Variants in ROBO2 observed in about 807,000 individuals in gnomAD.
ROBO2 encodes roundabout guidance receptor 2, also known as roundabout homolog 2.
A neutral mutation model predicts 160.8 loss-of-function variants in ROBO2; 53 were observed. That is an observed-to-expected ratio of 0.33 (90% CI 0.26 to 0.41). ROBO2 has a LOEUF of 0.41. Among genes scored for constraint, ROBO2 ranks in the 10% least tolerant of loss-of-function variants. ROBO2 has a pLI of 1.00. For synonymous variants in ROBO2, 664 were observed against 611.7 expected (o/e 1.09, Z -1.26); for missense variants, 1,577 against 1,722.4 (o/e 0.92, Z 1.49).
intron 2 of ROBO2, among the ~76,000 whole-genome samples, chr3:76,164,870 C>T (rs74998959): frequency 3.3e-5 from 5 of 151,994 alleles, no homozygotes; most frequent in African/African-American, 1.2e-4. Flanking sequence ...GGGACTGCCC[C>T]GCAGGACACT....
exon 25 of ROBO2, chr3:77,644,853 G>A (rs775671751): frequency 6.2e-7 from 1 of 1,614,088 alleles, no homozygotes; most frequent in South Asian, 1.1e-5. Flanking sequence ...CGACCTTCTT[G>A]ACATAGGATA....
chr3:76,786,279 A>T lies in ROBO2; in HGVS notation c.110-311735A>T, dbSNP rs187633946. The stretch of plus-strand genomic sequence containing the variant: ...TCTTATTAATAAAATTTTAAATGAG[A>T]CCTATATTAGTCCATTATCGCACCA... On this transcript the variant is annotated intron_variant, in intron 2 of 26. Transcript: ENST00000487694. 2.6e-3 allele frequency among the ~76,000 whole-genome samples: 398 copies of T among 151,388 alleles called. 1 individual carries two copies. The highest frequency in any genetic ancestry group is 5.8e-3 in the Admixed American group (88 of 15,138).
intron 2 of ROBO2, among the ~76,000 whole-genome samples, chr3:77,328,609 A>G (rs1288485581): frequency 1.3e-5 from 2 of 152,218 alleles, no homozygotes; most frequent in African/African-American, 4.8e-5. Context: ...GGCGTTAACA[A>G]TAATGGCATA....
chr3:76,179,244 C>G (rs1418551941), intron 2 of ROBO2, among the ~76,000 whole-genome samples: 2 of 152,062 alleles, frequency 1.3e-5, no homozygotes, highest in Non-Finnish European at 2.9e-5. Context: ...TGGGTGTGGT[C>G]ACTGGCTTCA....
chr3:76,281,102 A>C (rs543298423), intron 2 of ROBO2, among the ~76,000 whole-genome samples: 3 of 152,070 alleles, frequency 2.0e-5, no homozygotes, highest in African/African-American at 7.2e-5. Flanking sequence ...AACATTTATC[A>C]TATCAAAAAT....
At chr3:76,606,855 A>C (rs1009226178) in intron 2 of ROBO2, among the ~76,000 whole-genome samples, 1 of 152,082 alleles carries the variant, frequency 6.6e-6, no homozygotes, top group African/African-American at 2.4e-5. Context: ...TATAAAATGA[A>C]TATATATTTA....
intron 2 of ROBO2, among the ~76,000 whole-genome samples, chr3:76,579,838 CTAAG>C (rs1479668597): frequency 6.6e-6 from 1 of 150,936 alleles, no homozygotes; most frequent in African/African-American, 2.4e-5. Flanking sequence ...AGTCTGTTCT[CTAAG>C]ATAGAAAATA....
chr3:75,997,858 C>T (rs1345029368), intron 2 of ROBO2, among the ~76,000 whole-genome samples: 1 of 152,114 alleles, frequency 6.6e-6, no homozygotes, highest in Non-Finnish European at 1.5e-5. Context: ...TTGGTATTCA[C>T]TTCCATAACT....
At chr3:77,352,047 T>G (rs1251690519) in intron 2 of ROBO2, among the ~76,000 whole-genome samples, 1 of 150,644 alleles carries the variant, frequency 6.6e-6, no homozygotes, top group Non-Finnish European at 1.5e-5. Flanking sequence ...TGCATACATA[T>G]GTAACAAACC....
At chr3:77,639,684 G>A (rs1318425605) in intron 24 of ROBO2, among the ~76,000 whole-genome samples, 1 of 152,206 alleles carries the variant, frequency 6.6e-6, no homozygotes, top group Non-Finnish European at 1.5e-5. Context: ...GCTAGTGTTT[G>A]TGAGACCTTT....
intron 2 of ROBO2, among the ~76,000 whole-genome samples, chr3:76,645,719 AAATG>A (rs1335052718): frequency 6.6e-6 from 1 of 152,188 alleles, no homozygotes; most frequent in African/African-American, 2.4e-5. Context: ...TTTTTGGAGT[AAATG>A]AATGGGTAAA....
chr3:77,216,196 G>A (rs1580077861), intron 2 of ROBO2, among the ~76,000 whole-genome samples: 1 of 152,276 alleles, frequency 6.6e-6, no homozygotes, highest in African/African-American at 2.4e-5. Flanking sequence ...GAGGCACACA[G>A]GCCTCCTTGA....
intron 2 of ROBO2, among the ~76,000 whole-genome samples, chr3:76,303,370 A>T (rs974099828): frequency 6.6e-5 from 10 of 151,964 alleles, no homozygotes; most frequent in South Asian, 2.1e-4. Context: ...TATATATATA[A>T]AAATAATGAA....
chr3:77,410,620 T>TCCTCCTCCTCCTCCTCCTC (rs1560757888), intron 2 of ROBO2, among the ~76,000 whole-genome samples: 8 of 18,482 alleles, frequency 4.3e-4, no homozygotes, highest in Admixed American at 9.3e-4. Flanking sequence ...TCCTCCTTCT[T>TCCTCCTCCTCCTCCTCCTC]CTCCTCCTCT....
chr3:77,155,497 C>T (rs190748326), intron 2 of ROBO2, among the ~76,000 whole-genome samples: 2 of 152,090 alleles, frequency 1.3e-5, no homozygotes, highest in East Asian at 1.9e-4. Flanking sequence ...GGCGAGGGAA[C>T]AGATAGTCCC....
chr3:75,940,863 A>G (rs531940517), intron 2 of ROBO2, among the ~76,000 whole-genome samples: 1 of 152,258 alleles, frequency 6.6e-6, no homozygotes, highest in Non-Finnish European at 1.5e-5. Context: ...GGGACTATAG[A>G]GAGGCACCAG....
chr3:76,802,698 A>G (rs985823705), intron 2 of ROBO2, among the ~76,000 whole-genome samples: 1 of 149,702 alleles, frequency 6.7e-6, no homozygotes, highest in Non-Finnish European at 1.5e-5. Flanking sequence ...ACTGCACTCC[A>G]GCCTGGGCGA....
chr3:77,085,158 T>A (rs1364692626), intron 1 of ROBO2, among the ~76,000 whole-genome samples: 1 of 152,138 alleles, frequency 6.6e-6, no homozygotes, highest in African/African-American at 2.4e-5. Context: ...AATCTAAATG[T>A]AACCACTTTG....
At chr3:76,679,070 A>C (rs1488357610) in intron 2 of ROBO2, among the ~76,000 whole-genome samples, 1 of 151,698 alleles carries the variant, frequency 6.6e-6, no homozygotes, top group Middle Eastern at 3.4e-3. Context: ...AATGGCCACC[A>C]GTGTTGTAAA....
Sources: allele counts gnomAD v4.1 joint callset (sites outside exome capture counted in the v4.1 genomes callset), GRCh38; gene constraint gnomAD v4.1.1; transcripts MANE v1.5; gene names NCBI Gene and HGNC (gene_info 2026-07-23, HGNC 2026-07-21).